L3MBTL2: variants seen among roughly 807,000 people sequenced by gnomAD.
The protein encoded by L3MBTL2 is L3MBTL histone methyl-lysine binding protein 2.
L3MBTL2 carries 49 observed loss-of-function variants against 86.4 expected under a neutral mutation model. The observed-to-expected ratio is 0.57, with a 90% CI of 0.45 to 0.72. L3MBTL2 has a LOEUF of 0.72. L3MBTL2 is among the 30% of genes least tolerant of loss of function. The pLI, the probability that L3MBTL2 is intolerant of heterozygous loss-of-function variation, is 0.00. For missense variants in L3MBTL2, 755 were observed against 923.7 expected, an observed-to-expected ratio of 0.82 and a Z score of 2.37; for synonymous variants, 336 against 350.6, an observed-to-expected ratio of 0.96 and a Z score of 0.47.
rs367656059 is a variant in L3MBTL2 at position 41,216,358 on chromosome 22, C to T, written c.520+96C>T. 59 of 1,475,920 alleles carry T rather than the reference C, an allele frequency of 4.0e-5. No homozygotes were observed. In the East Asian group the frequency reaches 6.4e-4, roughly 16 times the overall value. The allele number at this position is 1,475,920 out of a possible 1,614,324, so 91.4% of individuals were successfully genotyped here. On this transcript the variant is annotated intron_variant, in intron 4 of 16. Coordinates refer to ENST00000216237, the MANE Select transcript of L3MBTL2 (RefSeq NM_031488.5). ...TCCTAGGAATGAAGACTGGGCAAACCGGCCAGGTAGAAAGTGCCCTAAGTC... is the reference window on the plus strand; with the variant it reads ...TCCTAGGAATGAAGACTGGGCAAACTGGCCAGGTAGAAAGTGCCCTAAGTC...
At position 41,220,614 on chromosome 22, in the gene L3MBTL2, C is replaced by T. The variant is rs147294507; in HGVS notation, c.719-120C>T. 3.7e-3 allele frequency: 3,832 copies of T among 1,048,092 alleles called. 100 individuals are homozygous for T. The African/African-American group carries it at 0.055, about 15-fold the overall frequency. 64.9% of individuals were successfully genotyped at this position (1,048,092 alleles called of 1,614,324 possible). A position where few individuals can be genotyped will look rare whatever the true frequency, so the allele number is the denominator to read the frequency against. ...TGGAGCTTGCAGTGAGCTGAGATGG[C>T]GCCACTGCACTCCAGCCTGGGCGAC... On this transcript the variant is annotated intron_variant, in intron 6 of 16. Coordinates refer to ENST00000216237, the MANE Select transcript of L3MBTL2 (RefSeq NM_031488.5).
intron 3 of L3MBTL2, among the ~76,000 whole-genome samples, chr22:41,214,908 G>A (rs1460711048): frequency 6.6e-6 from 1 of 152,206 alleles, no homozygotes; most frequent in Admixed American, 6.5e-5. Flanking sequence ...TTACTCGGGA[G>A]GCTGAGGCAG....
chr22:41,209,457 G>A, intron 1 of L3MBTL2: 1 of 468,780 alleles, frequency 2.1e-6, no homozygotes, highest in African/African-American at 2.0e-5. Context: ...ATCATCATTT[G>A]TAAATCCACA....
rs565891872 is a variant in L3MBTL2, at chr22:41,224,622, C to T, written c.1175-103C>T. ...AGATACAGAGATACAGCTGAGAACA[C>T]GTGCAGAGCAGCCCCACATTCCCAG... On this transcript the variant is annotated intron_variant, in intron 9 of 16. Transcript: ENST00000216237. The surrounding 1 kb of genome is among the most constrained non-coding windows in gnomAD (Gnocchi z 4.9). 1.3e-4 allele frequency: 110 copies of T among 822,322 alleles called. No homozygotes were observed. In the African/African-American group the frequency reaches 1.4e-3, roughly 11 times the overall value. 50.9% of individuals were successfully genotyped at this position (822,322 alleles called of 1,614,324 possible).
rs2032078179 is a variant in L3MBTL2, at chr22:41,224,930, C to G, written c.1252-37C>G. The G allele has an allele frequency of 6.3e-7, 1 of 1,595,948 alleles. No individual in the cohort carries two copies. Among genetic ancestry groups the G allele is most frequent in the African/African-American group, 1.3e-5 (1 of 74,678 alleles). On this transcript the variant is annotated intron_variant, in intron 10 of 16. Coordinates refer to ENST00000216237, the MANE Select transcript of L3MBTL2 (RefSeq NM_031488.5). This position sits in a 1 kb window ranked among gnomAD's most constrained non-coding sequence, Gnocchi z 4.9. ...TGCTTCCCTCACCCTTCCTCCTGGC[C>G]TGCCCAGGGAGTCCCCAGCTGTCCC...
rs1465727939 is a variant in L3MBTL2, at chr22:41,226,692, A to G, written c.1535A>G (p.Asn512Ser). The change falls in exon 13 of 17, where the codon AAC (asparagine) becomes AGC (serine). Residue 512 changes from asparagine to serine, a missense_variant. Transcript: ENST00000216237. ...GAGGCACAGACTTTCAACTGGGAGA[A>G]CTACTTGGAGAAGACCAAGTCGAAA... ...GYEAQTFNWE[N>S]YLEKTKSKAA... The G allele has an allele frequency of 6.2e-7, 1 of 1,613,976 alleles. No individual in the cohort carries two copies. The highest frequency in any genetic ancestry group is 8.5e-7 in the Non-Finnish European group (1 of 1,179,868).
chr22:41,209,516 T>C lies in L3MBTL2; in HGVS notation c.25-180T>C, dbSNP rs114054367. The C allele has an allele frequency of 5.2e-3, 3,169 of 612,312 alleles. 65 individuals are homozygous for C. In the African/African-American group the frequency reaches 0.053, roughly 10 times the overall value. 37.9% of individuals were successfully genotyped at this position (612,312 alleles called of 1,614,324 possible). A position where few individuals can be genotyped will look rare whatever the true frequency, so the allele number is the denominator to read the frequency against. ...ACATATTTTCTGTCTTGTTAAGCTG[T>C]TGAATTGCATCATGGTGGAGAAATG... On this transcript the variant is annotated intron_variant, in intron 1 of 16. Coordinates refer to ENST00000216237, the MANE Select transcript of L3MBTL2 (RefSeq NM_031488.5).
chr22:41,213,717 A>T, intron 2 of L3MBTL2, 176 bp from the exon 3 acceptor site: 1 of 631,046 alleles, frequency 1.6e-6, no homozygotes, highest in Non-Finnish European at 2.7e-6. Context: ...CACTTCATTC[A>T]GGTAGATTCA....
At chr22:41,221,176 G>T (rs749211310) in intron 7 of L3MBTL2, 23 bp from the exon 8 acceptor site, 1 of 1,536,374 alleles carries the variant, frequency 6.5e-7, no homozygotes, top group Non-Finnish European at 8.8e-7. Context: ...TGTGTAACCA[G>T]GATTCTGCTG....
intron 1 of L3MBTL2, among the ~76,000 whole-genome samples, chr22:41,206,446 T>C (rs1012360402): frequency 6.6e-6 from 1 of 152,096 alleles, no homozygotes; most frequent in East Asian, 1.9e-4. Flanking sequence ...CTCAGCCTCC[T>C]AAGTAGCTGG....
At chr22:41,210,129 C>G in intron 2 of L3MBTL2, 196 bp downstream of exon 2, 1 of 410,172 alleles carries the variant, frequency 2.4e-6, no homozygotes, top group Non-Finnish European at 4.2e-6. Context: ...ACTTCCTTTG[C>G]TGAAGTCTAA....
Position 41,230,782 on chromosome 22 carries a change from G to A in L3MBTL2, c.*531G>A, listed in dbSNP as rs1338512859. 1 of 153,320 alleles carries A rather than the reference G, an allele frequency of 6.5e-6. No individual in the cohort carries two copies. The highest frequency in any genetic ancestry group is 1.9e-4 in the East Asian group (1 of 5,202). The allele number at this position is 153,320 out of a possible 1,614,324, so 9.5% of individuals were successfully genotyped here. A position where few individuals can be genotyped will look rare whatever the true frequency, so the allele number is the denominator to read the frequency against. On this transcript the variant is annotated 3_prime_UTR_variant, in exon 17 of 17. Transcript: ENST00000216237. ...AGCAGAATGCCTCTCAGCCTCATGTGTTGGTCCTCTGCTCCTCCTAGCTCC... is the reference window on the plus strand; with the variant it reads ...AGCAGAATGCCTCTCAGCCTCATGTATTGGTCCTCTGCTCCTCCTAGCTCC...
intron 2 of L3MBTL2, 54 bp downstream of exon 2, chr22:41,209,987 A>G: frequency 6.3e-7 from 1 of 1,592,090 alleles, no homozygotes; most frequent in Non-Finnish European, 8.6e-7. Context: ...TTATAGAGGA[A>G]GAGGGGGGTG....
At chr22:41,220,683 T>G in intron 6 of L3MBTL2, 51 bp from the exon 7 acceptor site, 1 of 1,379,250 alleles carries the variant, frequency 7.3e-7, no homozygotes, top group Non-Finnish European at 1.0e-6. Context: ...AAACAGAACA[T>G]ACCTTCCCCA....
intron 16 of L3MBTL2, chr22:41,229,857 GCCCGGC>G (rs1278928407): frequency 1.1e-6 from 1 of 893,424 alleles, no homozygotes; most frequent in Non-Finnish European, 1.8e-6. Flanking sequence ...TCCCCCTCTA[GCCCGGC>G]CCCGGCCCCT....
In L3MBTL2 at chr22:41,225,973, T is replaced by A; in HGVS notation, c.1504+32T>A. 6.2e-7 allele frequency: 1 copy of A among 1,609,414 alleles called. No individual in the cohort carries two copies. Among genetic ancestry groups the A allele is most frequent in the Admixed American group, 1.7e-5 (1 of 59,906 alleles). ...CTAGAGAGGCCACCACCTGCTGTCC[T>A]TGCCATCAGAAGGGGCAGGGTGTCC... On this transcript the variant is annotated intron_variant, in intron 12 of 16. Coordinates refer to ENST00000216237, the MANE Select transcript of L3MBTL2 (RefSeq NM_031488.5). The surrounding 1 kb of genome is among the most constrained non-coding windows in gnomAD (Gnocchi z 4.1).
At chr22:41,213,826 G>C in intron 2 of L3MBTL2, 67 bp from the exon 3 acceptor site, 1 of 1,580,122 alleles carries the variant, frequency 6.3e-7, no homozygotes, top group Non-Finnish European at 8.7e-7. Context: ...GGTTTTGAAG[G>C]GCCCATCACT....
At chr22:41,219,206 A>G in intron 5 of L3MBTL2, 1 of 472,664 alleles carries the variant, frequency 2.1e-6, no homozygotes, top group Non-Finnish European at 3.9e-6. Flanking sequence ...TCTAGCCATC[A>G]CCCTGCATCC....
At chr22:41,223,387 C>T in intron 8 of L3MBTL2, among the ~76,000 whole-genome samples, 1 of 152,248 alleles carries the variant, frequency 6.6e-6, no homozygotes, top group East Asian at 1.9e-4. Context: ...TACCCCAGCA[C>T]CATGGCTCTC....
Sources: gnomAD v4.1 joint callset for allele counts (sites outside exome capture counted in the v4.1 genomes callset) on GRCh38, gnomAD v4.1.1 for gene constraint, Gnocchi (gnomAD v3.1) non-coding constraint, MANE v1.5 for transcripts, NCBI Gene and HGNC (gene_info 2026-07-23, HGNC 2026-07-21) for gene names.